The following SSH1 variants were observed in gnomAD, a reference collection of about 807,000 sequenced individuals.
SSH1 encodes the protein protein phosphatase Slingshot homolog 1.
In SSH1, 43 loss-of-function variants were observed where a neutral mutation model predicts 79.7. That is an observed-to-expected ratio of 0.54 (90% CI 0.42 to 0.70). The LOEUF (loss-of-function observed/expected upper bound fraction) is 0.70, where lower values mean the gene tolerates loss of function less well. Ranked by LOEUF, SSH1 falls within the 30% of genes least tolerant of loss-of-function variation. SSH1 has a pLI of 0.00. For synonymous variants in SSH1, 599 were observed against 538.3 expected (o/e 1.11, Z -1.56); for missense variants, 1,206 against 1,358.8 (o/e 0.89, Z 1.77).
In SSH1 at chr12:108,787,824, T is replaced by A. The variant is rs2036327188; in HGVS notation, c.*164A>T. 1.2e-6 allele frequency: 1 copy of A among 867,972 alleles called. No homozygotes were observed. Among genetic ancestry groups the A allele is most frequent in the African/African-American group, 1.7e-5 (1 of 59,404 alleles). 53.8% of individuals were successfully genotyped at this position (867,972 alleles called of 1,614,324 possible). ...CTCCCCTTCTTGTGCTGCATGTTGG[T>A]TAGTTTCTTCTCCTCCTCTCTATGG... is the stretch of plus-strand genomic sequence containing the variant. On this transcript the variant is annotated 3_prime_UTR_variant, in exon 15 of 15. Transcript: ENST00000326495.
At position 108,781,608 on chromosome 12, in the gene SSH1, T is replaced by A. The variant is rs970725036; in HGVS notation, c.*6380A>T. On this transcript the variant is annotated 3_prime_UTR_variant, in exon 15 of 15. Transcript: ENST00000326495. ...CTCTGCAGGCACTGGAATTTAGGGG[T>A]CACGCCCAGGTACTTGTGACAGTTA... The A allele has an allele frequency of 1.3e-5, 2 of 152,162 alleles. No homozygotes were observed. The highest frequency in any genetic ancestry group is 4.8e-5 in the African/African-American group (2 of 41,424). 9.4% of individuals were successfully genotyped at this position (152,162 alleles called of 1,614,324 possible).
chr12:108,843,022 C>T (rs762134808), intron 2 of SSH1, among the ~76,000 whole-genome samples: 47 of 152,088 alleles, frequency 3.1e-4, no homozygotes, highest in African/African-American at 8.2e-4. Flanking sequence ...TACCAACACA[C>T]GATTATTGCG....
At chr12:108,839,614 C>T (rs2038726591) in intron 2 of SSH1, among the ~76,000 whole-genome samples, 1 of 152,112 alleles carries the variant, frequency 6.6e-6, no homozygotes, top group Non-Finnish European at 1.5e-5. Flanking sequence ...TTTCCTAACA[C>T]AGGACCTTGA....
In SSH1 at chr12:108,827,227, T is replaced by C. The variant is rs1171085711; in HGVS notation, c.111-3866A>G. The C allele has an allele frequency of 3.9e-6, 6 of 1,523,394 alleles. No individual in the cohort carries two copies. In the East Asian group the frequency reaches 1.5e-4, roughly 38 times the overall value. The allele number at this position is 1,523,394 out of a possible 1,614,324, so 94.4% of individuals were successfully genotyped here. On this transcript the variant is annotated intron_variant, in intron 2 of 14. Transcript: ENST00000326495. Reference sequence around the variant, plus strand: ...CCAGTGTCATCCAGAAACCAAGCCATGGCAGGAAACCAGTAATCAGGGTGG... The same window carrying C: ...CCAGTGTCATCCAGAAACCAAGCCACGGCAGGAAACCAGTAATCAGGGTGG...
At chr12:108,835,046 A>G (rs1340106442) in intron 2 of SSH1, among the ~76,000 whole-genome samples, 2 of 152,182 alleles carry the variant, frequency 1.3e-5, no homozygotes, top group African/African-American at 4.8e-5. Flanking sequence ...CTTCCTGACA[A>G]CTGAGTGCTT....
intron 3 of SSH1, among the ~76,000 whole-genome samples, chr12:108,819,988 T>C (rs992510161): frequency 6.6e-6 from 1 of 152,186 alleles, no homozygotes; most frequent in Non-Finnish European, 1.5e-5. Context: ...AATTGGGTCA[T>C]TAGAAATTTG....
chr12:108,852,613 G>A, intron 2 of SSH1, 25 bp downstream of exon 2: 1 of 1,613,470 alleles, frequency 6.2e-7, no homozygotes, highest in Non-Finnish European at 8.5e-7. Flanking sequence ...AAAGACTTAG[G>A]AACAAGAATT....
rs142210173 is a variant in SSH1, at chr12:108,799,149, C to T, written c.1200G>A (p.Ser400=). 17 of 1,614,172 alleles carry T rather than the reference C, an allele frequency of 1.1e-5. No homozygotes were observed. Among genetic ancestry groups the T allele is most frequent in the African/African-American group, 4.0e-5 (3 of 75,066 alleles). The change falls in exon 13 of 15, where the codon TCG becomes TCA. Residue 400 remains serine, a synonymous_variant. Transcript: ENST00000326495. ...TTGCATAGGCTATGACTGTGGAGGC[C>T]GAGCGACTCACGCCCATTTTGCAAT... The part of the protein sequence containing the change: ...LVHCKMGVSR[S]ASTVIAYAMK...
intron 2 of SSH1, among the ~76,000 whole-genome samples, chr12:108,850,987 C>T (rs888898297): frequency 6.6e-6 from 1 of 152,022 alleles, no homozygotes; most frequent in Non-Finnish European, 1.5e-5. Flanking sequence ...TCCCTGCTTC[C>T]ACCCAGACAG....
chr12:108,807,529 G>A lies in SSH1; in HGVS notation c.731+104C>T, dbSNP rs1336746487. On this transcript the variant is annotated intron_variant, in intron 8 of 14. Coordinates refer to ENST00000326495, the MANE Select transcript of SSH1 (RefSeq NM_018984.4). The surrounding 1 kb of genome is among the most constrained non-coding windows in gnomAD (Gnocchi z 5.2). ...GGGTTCTCACTCAAGGGACTCCAGG[G>A]GAGGTGTGGCCCAATGCAGGTTCAG... 3 of 1,091,774 alleles carry A rather than the reference G, an allele frequency of 2.7e-6. No homozygotes were observed. Among genetic ancestry groups the A allele is most frequent in the African/African-American group, 3.1e-5 (2 of 64,786 alleles). 67.6% of individuals were successfully genotyped at this position (1,091,774 alleles called of 1,614,324 possible). A position where few individuals can be genotyped will look rare whatever the true frequency, so the allele number is the denominator to read the frequency against.
intron 2 of SSH1, among the ~76,000 whole-genome samples, chr12:108,845,209 A>G (rs896636334): frequency 6.6e-6 from 1 of 151,626 alleles, no homozygotes; most frequent in African/African-American, 2.4e-5. Flanking sequence ...AAAAAAAAAA[A>G]AAAAGTAAAA....
intron 2 of SSH1, among the ~76,000 whole-genome samples, chr12:108,824,933 C>T (rs1352719827): frequency 1.3e-5 from 2 of 151,994 alleles, no homozygotes; most frequent in African/African-American, 2.4e-5. Flanking sequence ...AACGGCTTTG[C>T]GGGAGGTGGG....
At chr12:108,843,268 G>C in intron 2 of SSH1, among the ~76,000 whole-genome samples, 1 of 152,064 alleles carries the variant, frequency 6.6e-6, no homozygotes. Flanking sequence ...GGCAACGGTG[G>C]GAAGAATTTC....
chr12:108,817,620 C>T (rs373223547), intron 4 of SSH1, among the ~76,000 whole-genome samples: 1 of 152,132 alleles, frequency 6.6e-6, no homozygotes, highest in Non-Finnish European at 1.5e-5. Context: ...TTCTTGACAG[C>T]AGGAACCAGG....
chr12:108,848,371 C>T (rs2038947318), intron 2 of SSH1, among the ~76,000 whole-genome samples: 2 of 152,056 alleles, frequency 1.3e-5, no homozygotes, highest in Admixed American at 6.5e-5. Context: ...TTAATTAAGG[C>T]TAGACGGAGG....
intron 12 of SSH1, among the ~76,000 whole-genome samples, chr12:108,799,754 C>A (rs1468750257): frequency 6.6e-6 from 1 of 152,168 alleles, no homozygotes; most frequent in Non-Finnish European, 1.5e-5. Context: ...CAAAAAAAAG[C>A]CAGGAGTGGA....
At chr12:108,801,478 A>T (rs2037001653) in intron 11 of SSH1, among the ~76,000 whole-genome samples, 1 of 152,228 alleles carries the variant, frequency 6.6e-6, no homozygotes, top group African/African-American at 2.4e-5. Flanking sequence ...GTTAGAAAAC[A>T]TCTCAAATAG....
chr12:108,844,633 T>C lies in SSH1; in HGVS notation c.110+8005A>G, dbSNP rs143272647. Among the ~76,000 whole-genome samples the C allele has an allele frequency of 2.3e-3, 346 of 152,306 alleles. 1 individual carries two copies. Among genetic ancestry groups the C allele is most frequent in the African/African-American group, 8.0e-3 (334 of 41,562 alleles). ...CATGCACCCGAGTGAGCCTTTCTCT[T>C]TGAATGTGGGAGGGACCAGAGAACA... On this transcript the variant is annotated intron_variant, in intron 2 of 14. Coordinates refer to ENST00000326495, the MANE Select transcript of SSH1 (RefSeq NM_018984.4).
rs774630816 is a variant in SSH1, at chr12:108,789,221, A to T, written c.1917T>A (p.Leu639=). The T allele has an allele frequency of 4.4e-6, 7 of 1,600,974 alleles. No individual in the cohort carries two copies. The South Asian group carries it at 5.6e-5, about 13-fold the overall frequency. The stretch of plus-strand genomic sequence containing the variant: ...ATTTATAGGAAGGCTTCACTTTGTT[A>T]AGGATCCCAAATATAGCATCATCCT... ...GMEDDAIFGI[L]NKVKPSYKSC... The change falls in exon 15 of 15, where the codon CTT becomes CTA. Residue 639 remains leucine (L), a synonymous_variant. Transcript: ENST00000326495.
Sources: allele counts gnomAD v4.1 joint callset (sites outside exome capture counted in the v4.1 genomes callset), GRCh38; gene constraint gnomAD v4.1.1; non-coding constraint Gnocchi (gnomAD v3.1); transcripts MANE v1.5; gene names NCBI Gene and HGNC (gene_info 2026-07-23, HGNC 2026-07-21).